The following OR2L2 variants were observed in gnomAD, a reference collection of about 807,000 sequenced individuals.
OR2L2 encodes the protein olfactory receptor 2L2.
For missense variants in OR2L2, 378 were observed against 375.2 expected (o/e 1.01, Z -0.06); for synonymous variants, 156 against 135.4 (o/e 1.15, Z -1.06).
chr1:248,033,600 C>A (rs900560752), intron 1 of OR2L2, among the ~76,000 whole-genome samples: 1 of 76,930 alleles, frequency 1.3e-5, no homozygotes, highest in African/African-American at 4.2e-5. Flanking sequence ...CCACACCTGG[C>A]TAATTTTTGT....
intron 2 of OR2L2, among the ~76,000 whole-genome samples, chr1:248,036,230 C>T (rs1662756312): frequency 6.6e-6 from 1 of 151,908 alleles, no homozygotes; most frequent in South Asian, 2.1e-4. Flanking sequence ...ATTTTTGTCT[C>T]TTCTAATCTT....
At chr1:248,033,386 G>A (rs1282080490) in intron 1 of OR2L2, among the ~76,000 whole-genome samples, 1 of 152,006 alleles carries the variant, frequency 6.6e-6, no homozygotes, top group Non-Finnish European at 1.5e-5. Flanking sequence ...AAATATTGCT[G>A]TGTATATGAC....
At position 248,030,073 on chromosome 1, in the gene OR2L2, T is replaced by C. The variant is rs1652681962; in HGVS notation, c.-259T>C. ...GGTTGCTACTGAATTCCAATGAAGG[T>C]CTCTGAAATCTCGTGTGTAGGGAAG... On this transcript the variant is annotated 5_prime_UTR_variant, in exon 1 of 3. Coordinates refer to ENST00000641771, the MANE Select transcript of OR2L2 (RefSeq NM_001385855.1). 1 of 152,144 alleles carries C rather than the reference T, an allele frequency of 6.6e-6. No individual in the cohort carries two copies. Among genetic ancestry groups the C allele is most frequent in the Non-Finnish European group, 1.5e-5 (1 of 68,014 alleles). The allele number at this position is 152,144 out of a possible 1,614,324, so 9.4% of individuals were successfully genotyped here. A position where few individuals can be genotyped will look rare whatever the true frequency, so the allele number is the denominator to read the frequency against.
At chr1:248,037,852 C>G (rs888817926) in intron 2 of OR2L2, among the ~76,000 whole-genome samples, 1 of 152,102 alleles carries the variant, frequency 6.6e-6, no homozygotes, top group Non-Finnish European at 1.5e-5. Flanking sequence ...CAGTCATAGC[C>G]CAACGTCACA....
In OR2L2 at chr1:248,039,081, A is replaced by T; in HGVS notation, c.814A>T (p.Ile272Phe). ...RSLRSPTEDK[I>F]LAVFYTILTP... ...CCTGCGATCTCCAACAGAGGACAAG[A>T]TTCTGGCTGTTTTCTACACCATCCT... Residue 272 changes from isoleucine (I) to phenylalanine (F), a missense_variant, in exon 3 of 3, where the codon ATT (isoleucine) becomes TTT (phenylalanine). Coordinates refer to ENST00000641771, the MANE Select transcript of OR2L2 (RefSeq NM_001385855.1). 1 of 1,613,968 alleles carries T rather than the reference A, an allele frequency of 6.2e-7. No homozygotes were observed. Among genetic ancestry groups the T allele is most frequent in the South Asian group, 1.1e-5 (1 of 91,074 alleles).
In OR2L2 at chr1:248,039,059, G is replaced by C; in HGVS notation, c.792G>C (p.Leu264=). The part of the protein sequence containing the change: ...FAYTYVRPRS[L]RSPTEDKILA... Reference sequence around the variant, plus strand: ...ATACCTATGTACGTCCAAGATCCCTGCGATCTCCAACAGAGGACAAGATTC... The same window carrying C: ...ATACCTATGTACGTCCAAGATCCCTCCGATCTCCAACAGAGGACAAGATTC... The change falls in exon 3 of 3, where the codon CTG becomes CTC. Residue 264 remains leucine (L), a synonymous_variant. Transcript: ENST00000641771. The C allele has an allele frequency of 6.2e-7, 1 of 1,613,980 alleles. No homozygotes were observed. The highest frequency in any genetic ancestry group is 8.5e-7 in the Non-Finnish European group (1 of 1,179,988).
intron 1 of OR2L2, among the ~76,000 whole-genome samples, chr1:248,034,123 A>G (rs1264492426): frequency 6.6e-6 from 1 of 152,238 alleles, no homozygotes; most frequent in African/African-American, 2.4e-5. Flanking sequence ...GAACTCTATA[A>G]GGAAAACTAC....
chr1:248,033,679 C>A (rs551979141), intron 1 of OR2L2, among the ~76,000 whole-genome samples: 2 of 151,314 alleles, frequency 1.3e-5, no homozygotes, highest in South Asian at 4.2e-4. Flanking sequence ...TGAGCTCAAG[C>A]AATTCTGCCT....
In OR2L2 at chr1:248,039,817, C is replaced by T. The variant is rs938425621; in HGVS notation, c.*611C>T. 4.6e-5 allele frequency: 7 copies of T among 152,270 alleles called. No homozygotes were observed. Among genetic ancestry groups the T allele is most frequent in the Admixed American group, 1.3e-4 (2 of 15,306 alleles). 9.4% of individuals were successfully genotyped at this position (152,270 alleles called of 1,614,324 possible). ...ATATTAAATAGTTTTTATTTACTCTCAACTGGTATGTATGTCTTCTTCTTT... is the reference window on the plus strand; with the variant it reads ...ATATTAAATAGTTTTTATTTACTCTTAACTGGTATGTATGTCTTCTTCTTT... On this transcript the variant is annotated 3_prime_UTR_variant, in exon 3 of 3. Coordinates refer to ENST00000641771, the MANE Select transcript of OR2L2 (RefSeq NM_001385855.1).
Position 248,039,142 on chromosome 1 carries a change from G to T in OR2L2, c.875G>T (p.Arg292Ile). 1 of 1,613,842 alleles carries T rather than the reference G, an allele frequency of 6.2e-7. No homozygotes were observed. The highest frequency in any genetic ancestry group is 8.5e-7 in the Non-Finnish European group (1 of 1,179,914). ...PMLNPIIYSL[R>I]NKEVMGALTQ... ...CTCAACCCCATCATCTACAGCCTGA[G>T]AAACAAGGAGGTGATGGGGGCCCTG... The change falls in exon 3 of 3, where the codon AGA (arginine) becomes ATA (isoleucine). Residue 292 changes from arginine to isoleucine, a missense_variant. Arg to Ile is a moderately conservative substitution (Grantham distance 97). Transcript: ENST00000641771.
chr1:248,034,597 G>A (rs73141388), intron 1 of OR2L2, among the ~76,000 whole-genome samples: 3,165 of 152,194 alleles, frequency 0.021, 118 homozygotes, highest in African/African-American at 0.072. Context: ...AAGCCTTCCA[G>A]TCTATAAATA....
chr1:248,030,811 G>T (rs1324504585), intron 1 of OR2L2, among the ~76,000 whole-genome samples: 1 of 152,128 alleles, frequency 6.6e-6, no homozygotes, highest in Non-Finnish European at 1.5e-5. Flanking sequence ...GAACAATCCT[G>T]ACATATTGCA....
Position 248,039,407 on chromosome 1 carries a change from G to T in OR2L2, c.*201G>T. On this transcript the variant is annotated 3_prime_UTR_variant, in exon 3 of 3. Transcript: ENST00000641771. Reference sequence around the variant, plus strand: ...ACATCTATTTTGATTTTGTTTGTGTGTGGTTTTTGTTTGTTTGTTTGTTTG... The same window carrying T: ...ACATCTATTTTGATTTTGTTTGTGTTTGGTTTTTGTTTGTTTGTTTGTTTG... The T allele has an allele frequency of 2.5e-6, 1 of 401,388 alleles. No individual in the cohort carries two copies. Among genetic ancestry groups the T allele is most frequent in the Non-Finnish European group, 4.3e-6 (1 of 232,028 alleles). The allele number at this position is 401,388 out of a possible 1,614,324, so 24.9% of individuals were successfully genotyped here.
Position 248,038,276 on chromosome 1 carries a change from T to A in OR2L2, c.9T>A (p.Asn3Lys). Reference protein sequence around the residue: MENYNQTSTDFIL... With the variant: MEKYNQTSTDFIL... ...GATTGTAGGAATTCCCCATGGAAAATTACAATCAAACATCAACTGATTTCA... is the reference window on the plus strand; with the variant it reads ...GATTGTAGGAATTCCCCATGGAAAAATACAATCAAACATCAACTGATTTCA... Residue 3 changes from asparagine to lysine, a missense_variant, in exon 3 of 3, where the codon AAT (asparagine) becomes AAA (lysine). Physicochemically the swap from Asn to Lys is moderately conservative, Grantham distance 94 (BLOSUM62 0). Coordinates refer to ENST00000641771, the MANE Select transcript of OR2L2 (RefSeq NM_001385855.1). The A allele has an allele frequency of 1.9e-6, 3 of 1,605,310 alleles. No individual in the cohort carries two copies. The highest frequency in any genetic ancestry group is 1.7e-6 in the Non-Finnish European group (2 of 1,174,308).
At chr1:248,034,550 A>T (rs1662703471) in intron 1 of OR2L2, among the ~76,000 whole-genome samples, 1 of 152,228 alleles carries the variant, frequency 6.6e-6, no homozygotes, top group South Asian at 2.1e-4. Flanking sequence ...TTGAATCTTT[A>T]AGTGACTTTG....
intron 1 of OR2L2, among the ~76,000 whole-genome samples, chr1:248,031,738 G>A (rs564783844): frequency 6.6e-6 from 1 of 152,284 alleles, no homozygotes; most frequent in East Asian, 1.9e-4. Context: ...CTTGTAGAAT[G>A]TGTCTGGTGG....
At position 248,038,552 on chromosome 1, in the gene OR2L2, A is replaced by C; in HGVS notation, c.285A>C (p.Gly95=). ...GAAACAAGTCTATCTCCTTCACTGG[A>C]TGTGGGATTCAGAGTTTCTTCTTCT... ...LYGNKSISFT[G]CGIQSFFFLT... The change falls in exon 3 of 3, where the codon GGA becomes GGC. Residue 95 remains glycine (G), a synonymous_variant. Transcript: ENST00000641771. 6.2e-7 allele frequency: 1 copy of C among 1,614,132 alleles called. No homozygotes were observed.
intron 1 of OR2L2, among the ~76,000 whole-genome samples, chr1:248,034,330 C>T (rs1333648543): frequency 6.6e-6 from 1 of 152,108 alleles, no homozygotes; most frequent in Non-Finnish European, 1.5e-5. Flanking sequence ...AAAGAGTCTG[C>T]ATAGCCAAAG....
chr1:248,039,337 T>G lies in OR2L2; in HGVS notation c.*131T>G, dbSNP rs530653047. On this transcript the variant is annotated 3_prime_UTR_variant, in exon 3 of 3. Transcript: ENST00000641771. ...AATCTAGAAGAAATTTGTCTTTTAA[T>G]TTAGTCTTGACAATATTATAATACA... 6 of 788,594 alleles carry G rather than the reference T, an allele frequency of 7.6e-6. No homozygotes were observed. The highest frequency in any genetic ancestry group is 7.0e-5 in the African/African-American group (4 of 57,420). The allele number at this position is 788,594 out of a possible 1,614,324, so 48.8% of individuals were successfully genotyped here. A position where few individuals can be genotyped will look rare whatever the true frequency, so the allele number is the denominator to read the frequency against.
Sources: gnomAD v4.1 joint callset for allele counts (sites outside exome capture counted in the v4.1 genomes callset) on GRCh38, gnomAD v4.1.1 for gene constraint, MANE v1.5 for transcripts, NCBI Gene and HGNC (gene_info 2026-07-23, HGNC 2026-07-21) for gene names.